Variants in IQCH observed in about 807,000 individuals in gnomAD.
The protein encoded by IQCH is IQ motif containing H.
In IQCH, 98 loss-of-function variants were observed where a neutral mutation model predicts 117.0. The ratio of observed to expected loss-of-function variants is 0.84; its 90% CI spans 0.71 to 0.99. The LOEUF (loss-of-function observed/expected upper bound fraction) is 0.99. Ranked by LOEUF, IQCH falls within the 50% of genes least tolerant of loss-of-function variation. IQCH has a pLI of 0.00. For synonymous variants in IQCH, 412 were observed against 448.2 expected (o/e 0.92, Z 1.02); for missense variants, 1,102 against 1,243.8 (o/e 0.89, Z 1.72).
At chr15:67,325,573 A>G (rs1230505093) in intron 4 of IQCH, among the ~76,000 whole-genome samples, 1 of 152,110 alleles carries the variant, frequency 6.6e-6, no homozygotes, top group Non-Finnish European at 1.5e-5. Flanking sequence ...TTATAATCAT[A>G]TATGTATTGT....
rs921943334 is a variant in IQCH at position 67,475,991 on chromosome 15, A to T, written c.2799+173A>T. On this transcript the variant is annotated intron_variant, in intron 18 of 20. Coordinates refer to ENST00000335894, the MANE Select transcript of IQCH (RefSeq NM_001031715.3). This position sits in a 1 kb window ranked among gnomAD's most constrained non-coding sequence, Gnocchi z 5.7. Reference sequence around the variant, plus strand: ...AGAGCAGATACGCAACTCCACAGAAAGTAGCACATAGTCCTGGAAAGTTCT... The same window carrying T: ...AGAGCAGATACGCAACTCCACAGAATGTAGCACATAGTCCTGGAAAGTTCT... 2.6e-5 allele frequency among the ~76,000 whole-genome samples: 4 copies of T among 152,264 alleles called. No homozygotes were observed. Among genetic ancestry groups the T allele is most frequent in the Non-Finnish European group, 5.9e-5 (4 of 68,052 alleles).
chr15:67,470,233 C>T (rs576417931), intron 17 of IQCH, among the ~76,000 whole-genome samples: 4 of 152,304 alleles, frequency 2.6e-5, no homozygotes, highest in African/African-American at 9.6e-5. Context: ...TGCAGTGGCA[C>T]GATCTTGGCT....
rs888759598 is a variant in IQCH at position 67,431,052 on chromosome 15, T to C, written c.2505+9475T>C. On this transcript the variant is annotated intron_variant, in intron 16 of 20. Coordinates refer to ENST00000335894, the MANE Select transcript of IQCH (RefSeq NM_001031715.3). This position sits in a 1 kb window ranked among gnomAD's most constrained non-coding sequence, Gnocchi z 4.8. ...TTTGAGCCGAAAGAAAATTAGGATATGAGGAGGGTAAGAAAGAGTGTATTC... is the reference window on the plus strand; with the variant it reads ...TTTGAGCCGAAAGAAAATTAGGATACGAGGAGGGTAAGAAAGAGTGTATTC... Among the ~76,000 whole-genome samples, 2 of 152,042 alleles carry C rather than the reference T, an allele frequency of 1.3e-5. No individual in the cohort carries two copies. The highest frequency in any genetic ancestry group is 2.9e-5 in the Non-Finnish European group (2 of 68,002).
rs1010618826 is a variant in IQCH, at chr15:67,456,664, A to G, written c.2506-8463A>G. 2.0e-5 allele frequency among the ~76,000 whole-genome samples: 3 copies of G among 152,124 alleles called. No homozygotes were observed. The highest frequency in any genetic ancestry group is 4.4e-5 in the Non-Finnish European group (3 of 68,016). Reference sequence around the variant, plus strand: ...GTGTTGTATCTGACCGACATGTTCTATTTGGTTGATATTTTTAAAACATTG... The same window carrying G: ...GTGTTGTATCTGACCGACATGTTCTGTTTGGTTGATATTTTTAAAACATTG... On this transcript the variant is annotated intron_variant, in intron 16 of 20. Transcript: ENST00000335894. This position sits in a 1 kb window ranked among gnomAD's most constrained non-coding sequence, Gnocchi z 5.1.
rs2414953 is a variant in IQCH at position 67,433,175 on chromosome 15, A to G, written c.2505+11598A>G. Among the ~76,000 whole-genome samples, 21,235 of 152,160 alleles carry G rather than the reference A, an allele frequency of 0.14. 1,703 individuals are homozygous for G. Among genetic ancestry groups the G allele is most frequent in the African/African-American group, 0.21 (8,584 of 41,488 alleles). On this transcript the variant is annotated intron_variant, in intron 16 of 20. Transcript: ENST00000335894. This position sits in a 1 kb window ranked among gnomAD's most constrained non-coding sequence, Gnocchi z 5.4. ...AAGGACTTGGAAGCATTAAAGTAAA[A>G]GACCTTCTCCCTTTAAAAGGGCTGT...
At chr15:67,477,453 G>A (rs2083234033) in intron 18 of IQCH, among the ~76,000 whole-genome samples, 1 of 152,200 alleles carries the variant, frequency 6.6e-6, no homozygotes, top group African/African-American at 2.4e-5. Context: ...GCCAGGCACT[G>A]TCAGGGCACA....
At chr15:67,296,665 A>G (rs1014650569) in intron 4 of IQCH, among the ~76,000 whole-genome samples, 1 of 152,150 alleles carries the variant, frequency 6.6e-6, no homozygotes, top group Non-Finnish European at 1.5e-5. Flanking sequence ...ATAGGATGAT[A>G]GGAAGTTGAA....
chr15:67,421,553 A>G lies in IQCH; in HGVS notation c.2481A>G (p.Ile827Met), dbSNP rs146912870. ...TTTCGATAGATCTGGTGACTTTTATAGATCCAAGCACCTTGGAACAACAGG... is the reference window on the plus strand; with the variant it reads ...TTTCGATAGATCTGGTGACTTTTATGGATCCAAGCACCTTGGAACAACAGG... ...GYFSIDLVTF[I>M]DPSTLEQQVW... The change falls in exon 16 of 21, where the codon ATA (isoleucine) becomes ATG (methionine). Residue 827 changes from isoleucine (I) to methionine (M), a missense_variant. By Grantham distance (10) the Ile-to-Met change is conservative. Transcript: ENST00000335894. The G allele has an allele frequency of 3.1e-6, 5 of 1,614,114 alleles. No individual in the cohort carries two copies. In the African/African-American group the frequency reaches 6.7e-5, roughly 22 times the overall value.
chr15:67,395,999 TTAAAG>T lies in IQCH; in HGVS notation c.1905+439_1905+443del, dbSNP rs901118630. On this transcript the variant is annotated intron_variant, in intron 13 of 20. Transcript: ENST00000335894. The surrounding 1 kb of genome is among the most constrained non-coding windows in gnomAD (Gnocchi z 4.0). The stretch of plus-strand genomic sequence containing the variant: ...GGAATCTACTTTAGAACTTTGTGTT[TTAAAG>T]TATTTTCCTGTTAGTCTTGCAGAAA... Among the ~76,000 whole-genome samples the T allele has an allele frequency of 6.6e-6, 1 of 152,150 alleles. No homozygotes were observed. The highest frequency in any genetic ancestry group is 2.4e-5 in the African/African-American group (1 of 41,424).
chr15:67,340,426 C>CAAAAAAAAAAAAAAAAAAAAAAAAA (rs57244130), intron 5 of IQCH, among the ~76,000 whole-genome samples: 5 of 62,658 alleles, frequency 8.0e-5, no homozygotes, highest in East Asian at 9.5e-4. Context: ...TACTCCATCT[C>CAAAAAAAAAAAAAAAAAAAAAAAAA]AAAAAAAAAA....
At chr15:67,378,578 C>T (rs887144522) in intron 10 of IQCH, among the ~76,000 whole-genome samples, 1 of 151,586 alleles carries the variant, frequency 6.6e-6, no homozygotes, top group African/African-American at 2.4e-5. Context: ...ATAGCCCAAA[C>T]ACACACATAT....
chr15:67,269,183 C>A (rs1965799897), intron 3 of IQCH, among the ~76,000 whole-genome samples: 1 of 151,996 alleles, frequency 6.6e-6, no homozygotes, highest in African/African-American at 2.4e-5. Flanking sequence ...TACAGATAAA[C>A]CAGAGAAATG....
chr15:67,411,632 T>C lies in IQCH; in HGVS notation c.2098-5299T>C, dbSNP rs2081453597. Among the ~76,000 whole-genome samples, 1 of 152,172 alleles carries C rather than the reference T, an allele frequency of 6.6e-6. No individual in the cohort carries two copies. The highest frequency in any genetic ancestry group is 2.4e-5 in the African/African-American group (1 of 41,458). On this transcript the variant is annotated intron_variant, in intron 14 of 20. Coordinates refer to ENST00000335894, the MANE Select transcript of IQCH (RefSeq NM_001031715.3). This position sits in a 1 kb window ranked among gnomAD's most constrained non-coding sequence, Gnocchi z 4.4. Reference sequence around the variant, plus strand: ...ACCCAATTACACCAATGTGTGTCTGTATGTGTGTATGTGTGTGTAATACAC... The same window carrying C: ...ACCCAATTACACCAATGTGTGTCTGCATGTGTGTATGTGTGTGTAATACAC...
intron 16 of IQCH, among the ~76,000 whole-genome samples, chr15:67,435,466 C>T (rs2082115327): frequency 6.6e-6 from 1 of 151,908 alleles, no homozygotes; most frequent in Non-Finnish European, 1.5e-5. Flanking sequence ...AACCTGTAAT[C>T]CCAGCTACTG....
intron 4 of IQCH, among the ~76,000 whole-genome samples, chr15:67,320,761 C>A (rs1596173665): frequency 1.3e-5 from 2 of 152,112 alleles, no homozygotes; most frequent in African/African-American, 4.8e-5. Context: ...ATCCTTGGAT[C>A]ATTTTTTTCC....
chr15:67,381,714 C>T lies in IQCH; in HGVS notation c.1373-3222C>T, dbSNP rs1253292687. ...TTAAAAGACAGGCCGGACATGGTGG[C>T]TCATGCCTATAATACCAGCACTTTG... On this transcript the variant is annotated intron_variant, in intron 10 of 20. Coordinates refer to ENST00000335894, the MANE Select transcript of IQCH (RefSeq NM_001031715.3). The surrounding 1 kb of genome is among the most constrained non-coding windows in gnomAD (Gnocchi z 5.1). Among the ~76,000 whole-genome samples, 1 of 152,176 alleles carries T rather than the reference C, an allele frequency of 6.6e-6. No individual in the cohort carries two copies. The highest frequency in any genetic ancestry group is 2.4e-5 in the African/African-American group (1 of 41,436).
At chr15:67,277,750 G>C (rs1031909883) in intron 3 of IQCH, among the ~76,000 whole-genome samples, 2 of 151,902 alleles carry the variant, frequency 1.3e-5, no homozygotes, top group African/African-American at 4.8e-5. Context: ...AGCCAGGATG[G>C]TCTCGATCTC....
chr15:67,261,496 A>C, intron 2 of IQCH, 102 bp downstream of exon 2: 1 of 955,196 alleles, frequency 1.0e-6, no homozygotes. Context: ...TCTGTAACAA[A>C]GCTGAATTTA....
At chr15:67,259,267 C>G (rs1001421825) in intron 1 of IQCH, among the ~76,000 whole-genome samples, 2 of 152,168 alleles carry the variant, frequency 1.3e-5, no homozygotes, top group East Asian at 3.8e-4. Flanking sequence ...ACATAACTTT[C>G]CCAAGTTCAG....
Sources: gnomAD v4.1 joint callset for allele counts (sites outside exome capture counted in the v4.1 genomes callset) on GRCh38, gnomAD v4.1.1 for gene constraint, Gnocchi (gnomAD v3.1) non-coding constraint, MANE v1.5 for transcripts, NCBI Gene and HGNC (gene_info 2026-07-23, HGNC 2026-07-21) for gene names.